ERCC6L2: variants seen among roughly 807,000 people sequenced by gnomAD.
The protein encoded by ERCC6L2 is DNA excision repair protein ERCC-6-like 2.
ERCC6L2 carries 77 observed loss-of-function variants against 132.0 expected under a neutral mutation model. The observed-to-expected ratio is 0.58, with a 90% CI of 0.49 to 0.71. The LOEUF is 0.71. ERCC6L2 is among the 30% of genes least tolerant of loss of function. The probability of loss-of-function intolerance (pLI) is 0.00; values close to 1 mark genes in which losing one functional copy is unlikely to be tolerated. For synonymous variants in ERCC6L2, 583 were observed against 632.4 expected (o/e 0.92, Z 1.17); for missense variants, 1,542 against 1,837.6 (o/e 0.84, Z 2.94).
chr9:96,002,456 C>G (rs568789167), intron 17 of ERCC6L2, among the ~76,000 whole-genome samples: 1 of 151,460 alleles, frequency 6.6e-6, no homozygotes, highest in African/African-American at 2.4e-5. Context: ...AGATCTGGCC[C>G]TGTCACCCAG....
At chr9:95,939,316 A>G (rs772729795) in intron 11 of ERCC6L2, among the ~76,000 whole-genome samples, 1 of 146,258 alleles carries the variant, frequency 6.8e-6, no homozygotes, top group Non-Finnish European at 1.5e-5. Context: ...CTTTCTAGCC[A>G]CCAATCTTTT....
At chr9:95,994,063 A>G (rs1054332880) in intron 17 of ERCC6L2, among the ~76,000 whole-genome samples, 3 of 152,214 alleles carry the variant, frequency 2.0e-5, no homozygotes, top group Non-Finnish European at 2.9e-5. Flanking sequence ...AACATTTTCT[A>G]TCTCCAGGCA....
At chr9:95,954,844 C>T (rs1475428712) in intron 12 of ERCC6L2, 1 of 470,964 alleles carries the variant, frequency 2.1e-6, no homozygotes. Context: ...GTCACAGGAG[C>T]CTCCATTTCC....
At chr9:95,980,302 A>G (rs564989291) in intron 17 of ERCC6L2, among the ~76,000 whole-genome samples, 1 of 152,296 alleles carries the variant, frequency 6.6e-6, no homozygotes, top group South Asian at 2.1e-4. Flanking sequence ...CTTCGAGGCC[A>G]TCTATCTCCC....
At chr9:96,029,049 A>G (rs1445020596) in intron 19 of ERCC6L2, among the ~76,000 whole-genome samples, 1 of 152,128 alleles carries the variant, frequency 6.6e-6, no homozygotes, top group East Asian at 1.9e-4. Flanking sequence ...TCAGGCCTGT[A>G]ATCCCAGCAC....
At chr9:95,907,355 T>C in intron 4 of ERCC6L2, 84 bp downstream of exon 4, 1 of 1,096,840 alleles carries the variant, frequency 9.1e-7, no homozygotes, top group East Asian at 3.0e-5. Flanking sequence ...TTTTTTTTTT[T>C]TTGAGACAGA....
At chr9:95,973,589 G>T (rs561785034) in intron 16 of ERCC6L2, among the ~76,000 whole-genome samples, 18 of 152,108 alleles carry the variant, frequency 1.2e-4, no homozygotes, top group Non-Finnish European at 2.5e-4. Flanking sequence ...AGCTTGCAGA[G>T]GGGAACTCCT....
chr9:95,941,350 A>G, intron 11 of ERCC6L2, 104 bp from the exon 12 acceptor site: 1 of 688,778 alleles, frequency 1.5e-6, no homozygotes, highest in Admixed American at 2.6e-5. Context: ...AAATTAATGC[A>G]ATATCGTACT....
At chr9:96,037,741 T>C (rs1210203291) in intron 19 of ERCC6L2, among the ~76,000 whole-genome samples, 3 of 151,972 alleles carry the variant, frequency 2.0e-5, no homozygotes, top group Non-Finnish European at 4.4e-5. Flanking sequence ...AGGATGAGTT[T>C]GGTGAGATCC....
chr9:95,966,520 G>T, intron 13 of ERCC6L2, 42 bp from the exon 14 acceptor site: 1 of 1,412,512 alleles, frequency 7.1e-7, no homozygotes, highest in South Asian at 1.9e-5. Flanking sequence ...CATATTGTTG[G>T]AGCAAACACT....
At chr9:96,032,585 G>T (rs543300389) in intron 19 of ERCC6L2, among the ~76,000 whole-genome samples, 15 of 152,184 alleles carry the variant, frequency 9.9e-5, no homozygotes, top group Non-Finnish European at 2.1e-4. Flanking sequence ...GTGTCCTCCA[G>T]GAGCCCTTTC....
intron 3 of ERCC6L2, chr9:95,906,779 T>C (rs570311962): frequency 4.2e-6 from 2 of 478,574 alleles, no homozygotes; most frequent in East Asian, 5.6e-5. Context: ...TTCTCTCTTT[T>C]GGAAAGTTAC....
chr9:95,940,458 G>GT (rs1480832352), intron 11 of ERCC6L2, among the ~76,000 whole-genome samples: 4 of 152,050 alleles, frequency 2.6e-5, no homozygotes, highest in African/African-American at 9.7e-5. Flanking sequence ...TCTTCTCACA[G>GT]TTTTTTTGGA....
chr9:95,898,931 C>T (rs140734636), intron 3 of ERCC6L2, among the ~76,000 whole-genome samples: 17 of 152,082 alleles, frequency 1.1e-4, no homozygotes, highest in African/African-American at 4.1e-4. Flanking sequence ...GTATCAGATT[C>T]AATGTGATCC....
At chr9:95,948,650 T>C (rs1205894238) in intron 12 of ERCC6L2, among the ~76,000 whole-genome samples, 1 of 152,004 alleles carries the variant, frequency 6.6e-6, no homozygotes, top group Non-Finnish European at 1.5e-5. Context: ...GAGAAGACTT[T>C]TAGCCTTCAC....
chr9:95,901,891 A>G (rs1011566241), intron 3 of ERCC6L2, among the ~76,000 whole-genome samples: 1 of 152,252 alleles, frequency 6.6e-6, no homozygotes, highest in East Asian at 1.9e-4. Context: ...GTTTTAAAAG[A>G]TAAATTTGTA....
At chr9:95,928,595 T>C (rs1830200367) in intron 10 of ERCC6L2, 124 bp from the exon 11 acceptor site, 5 of 859,602 alleles carry the variant, frequency 5.8e-6, no homozygotes, top group Non-Finnish European at 6.7e-6. Flanking sequence ...TTTATTGTTC[T>C]TGGAATTATA....
chr9:95,990,492 C>A (rs544662072), intron 17 of ERCC6L2, among the ~76,000 whole-genome samples: 37 of 152,296 alleles, frequency 2.4e-4, no homozygotes, highest in African/African-American at 8.9e-4. Context: ...AGCCTGCTGG[C>A]AGATTACCAT....
chr9:95,913,587 A>G (rs2132694434), intron 4 of ERCC6L2, among the ~76,000 whole-genome samples: 1 of 152,318 alleles, frequency 6.6e-6, no homozygotes, highest in African/African-American at 2.4e-5. Context: ...GTGAATTTTA[A>G]AAGTTGTGCT....
Sources: allele counts gnomAD v4.1 joint callset (sites outside exome capture counted in the v4.1 genomes callset), GRCh38; gene constraint gnomAD v4.1.1; transcripts MANE v1.5; gene names NCBI Gene and HGNC (gene_info 2026-07-23, HGNC 2026-07-21).